NRCAM: variants seen among roughly 807,000 people sequenced by gnomAD.
NRCAM encodes the protein neuronal cell adhesion molecule, also known as NgCAM-related cell adhesion molecule.
In NRCAM, 83 loss-of-function variants were observed where a neutral mutation model predicts 156.5. The observed-to-expected ratio is 0.53, with a 90% CI of 0.44 to 0.64. The LOEUF (loss-of-function observed/expected upper bound fraction) is 0.64. Among genes scored for constraint, NRCAM ranks in the 30% least tolerant of loss-of-function variants. The pLI, the probability that NRCAM is intolerant of heterozygous loss-of-function variation, is 0.00. For synonymous variants in NRCAM, 538 were observed against 563.9 expected (o/e 0.95, Z 0.65); for missense variants, 1,417 against 1,597.3 (o/e 0.89, Z 1.92).
intron 3 of NRCAM, among the ~76,000 whole-genome samples, chr7:108,253,820 A>T (rs1362254820): frequency 6.6e-6 from 1 of 152,158 alleles, no homozygotes; most frequent in Non-Finnish European, 1.5e-5. Context: ...GCAAATAGGC[A>T]TGGGGGAGTT....
chr7:108,177,300 G>C (rs2060913420), intron 26 of NRCAM, among the ~76,000 whole-genome samples: 1 of 152,068 alleles, frequency 6.6e-6, no homozygotes, highest in South Asian at 2.1e-4. Flanking sequence ...ATAAAGGAAG[G>C]ACAGAGGGAA....
At chr7:108,255,228 A>C (rs1206020394) in intron 3 of NRCAM, among the ~76,000 whole-genome samples, 2 of 131,884 alleles carry the variant, frequency 1.5e-5, no homozygotes, top group Non-Finnish European at 3.1e-5. Context: ...CAGAGGCTGG[A>C]CTGTACTGCC....
intron 2 of NRCAM, among the ~76,000 whole-genome samples, chr7:108,354,804 G>GA (rs1377317801): frequency 6.6e-6 from 1 of 152,054 alleles, no homozygotes; most frequent in South Asian, 2.1e-4. Flanking sequence ...AGAGGCAGGA[G>GA]AATCGCTTGA....
chr7:108,268,326 T>C (rs2097186157), intron 3 of NRCAM, among the ~76,000 whole-genome samples: 1 of 152,154 alleles, frequency 6.6e-6, no homozygotes, highest in South Asian at 2.1e-4. Flanking sequence ...GGGGATCCTG[T>C]CAATGGCTGG....
intron 2 of NRCAM, among the ~76,000 whole-genome samples, chr7:108,366,846 G>C (rs1488888217): frequency 6.6e-6 from 1 of 152,176 alleles, no homozygotes; most frequent in Admixed American, 6.5e-5. Context: ...ATGATCATTT[G>C]TCATCTTAGA....
rs189628300 is a variant in NRCAM at position 108,257,123 on chromosome 7, G to C, written c.-106-16953C>G. Among the ~76,000 whole-genome samples, 1,094 of 151,774 alleles carry C rather than the reference G, an allele frequency of 7.2e-3. 12 individuals are homozygous for C. The highest frequency in any genetic ancestry group is 0.025 in the African/African-American group (1,047 of 41,294). Reference sequence around the variant, plus strand: ...GGAAGGAAAAGAAAAGAAAAGAAGAGAAAGGAAGGAAGGAAGAAAAGGCAA... The same window carrying C: ...GGAAGGAAAAGAAAAGAAAAGAAGACAAAGGAAGGAAGGAAGAAAAGGCAA... On this transcript the variant is annotated intron_variant, in intron 3 of 32. Coordinates refer to ENST00000379028, the MANE Select transcript of NRCAM (RefSeq NM_001037132.4).
chr7:108,422,815 G>A (rs1811904471), intron 1 of NRCAM, among the ~76,000 whole-genome samples: 1 of 152,116 alleles, frequency 6.6e-6, no homozygotes, highest in Non-Finnish European at 1.5e-5. Flanking sequence ...AAAACATGAT[G>A]GTCCAATGAG....
intron 22 of NRCAM, 38 bp downstream of exon 22, chr7:108,184,202 TA>T: frequency 7.0e-6 from 11 of 1,561,220 alleles, no homozygotes; most frequent in Non-Finnish European, 8.8e-6. Context: ...TTTTTCACTC[TA>T]AAAAATAGCG....
chr7:108,281,814 A>G (rs547091544), intron 3 of NRCAM, among the ~76,000 whole-genome samples: 1 of 152,340 alleles, frequency 6.6e-6, no homozygotes, highest in African/African-American at 2.4e-5. Flanking sequence ...GGAAGTTTTG[A>G]TGGGCAAACT....
chr7:108,319,385 T>G (rs1043482394), intron 2 of NRCAM, among the ~76,000 whole-genome samples: 2 of 152,174 alleles, frequency 1.3e-5, no homozygotes, highest in African/African-American at 4.8e-5. Flanking sequence ...ATAAACAGAA[T>G]AGAAAAAATC....
At chr7:108,170,463 G>GT (rs1395472875) in intron 28 of NRCAM, among the ~76,000 whole-genome samples, 1 of 152,150 alleles carries the variant, frequency 6.6e-6, no homozygotes, top group Non-Finnish European at 1.5e-5. Context: ...AGATAAATGC[G>GT]TATCTGATTG....
intron 3 of NRCAM, among the ~76,000 whole-genome samples, chr7:108,255,357 G>C (rs759154454): frequency 4.6e-5 from 7 of 152,178 alleles, no homozygotes; most frequent in Non-Finnish European, 7.3e-5. Context: ...TGGTGGAGAC[G>C]GGGTTTCGCC....
At chr7:108,329,775 A>G (rs2099107788) in intron 2 of NRCAM, among the ~76,000 whole-genome samples, 1 of 152,146 alleles carries the variant, frequency 6.6e-6, no homozygotes, top group Non-Finnish European at 1.5e-5. Context: ...GACCTCTGAA[A>G]CCCAACCAAG....
chr7:108,316,507 G>A (rs1289020950), intron 2 of NRCAM, among the ~76,000 whole-genome samples: 3 of 152,150 alleles, frequency 2.0e-5, no homozygotes, highest in Non-Finnish European at 2.9e-5. Context: ...CGGGCACGGT[G>A]GCTCACGCCT....
intron 3 of NRCAM, among the ~76,000 whole-genome samples, chr7:108,254,623 G>A (rs1034561786): frequency 3.5e-5 from 5 of 144,678 alleles, no homozygotes; most frequent in Admixed American, 1.4e-4. Context: ...TCTCAGCTAA[G>A]GGCAACCTCT....
chr7:108,411,529 A>T (rs1432702598), intron 1 of NRCAM, among the ~76,000 whole-genome samples: 2 of 152,178 alleles, frequency 1.3e-5, no homozygotes, highest in African/African-American at 4.8e-5. Flanking sequence ...ACATGGGCCT[A>T]GATCTTTTCT....
chr7:108,334,427 G>A (rs1370228149), intron 2 of NRCAM, among the ~76,000 whole-genome samples: 1 of 152,008 alleles, frequency 6.6e-6, no homozygotes, highest in African/African-American at 2.4e-5. Flanking sequence ...CCCTACCTAC[G>A]ACTCCGAATT....
At chr7:108,204,744 G>A (rs2080156494) in intron 13 of NRCAM, among the ~76,000 whole-genome samples, 1 of 152,174 alleles carries the variant, frequency 6.6e-6, no homozygotes, top group African/African-American at 2.4e-5. Context: ...TGTCTTCTCA[G>A]TCTCCTTTTT....
intron 1 of NRCAM, among the ~76,000 whole-genome samples, chr7:108,439,484 C>T (rs1050479442): frequency 6.6e-5 from 10 of 152,096 alleles, no homozygotes; most frequent in Non-Finnish European, 7.4e-5. Context: ...ATATGCTCCA[C>T]GTTATTAGCC....
Sources: allele counts gnomAD v4.1 joint callset (sites outside exome capture counted in the v4.1 genomes callset), GRCh38; gene constraint gnomAD v4.1.1; transcripts MANE v1.5; gene names NCBI Gene and HGNC (gene_info 2026-07-23, HGNC 2026-07-21).